The following MSI2 variants were observed in gnomAD, a reference collection of about 807,000 sequenced individuals.
The protein encoded by MSI2 is RNA-binding protein Musashi homolog 2.
In MSI2, 17 loss-of-function variants were observed where a neutral mutation model predicts 45.6. That is an observed-to-expected ratio of 0.37 (90% confidence interval 0.26 to 0.56). MSI2 has a LOEUF of 0.56. Ranked by LOEUF, MSI2 falls within the 20% of genes least tolerant of loss-of-function variation. The pLI is 0.77. For missense variants in MSI2, 293 were observed against 444.2 expected, an observed-to-expected ratio of 0.66 and a Z score of 3.06; for synonymous variants, 156 against 158.2, an observed-to-expected ratio of 0.99 and a Z score of 0.11.
rs1230753897 is a variant in MSI2 at position 57,615,965 on chromosome 17, A to C, written c.538-5A>C. On this transcript the variant is annotated splice_region_variant and splice_polypyrimidine_tract_variant and intron_variant, in intron 8 of 13. Transcript: ENST00000284073. Reference sequence around the variant, plus strand: ...ATCTCATTTGTTCGCCTTTCTGTTTAACAGGTAGAATGTAAGAAAGCTCAG... The same window carrying C: ...ATCTCATTTGTTCGCCTTTCTGTTTCACAGGTAGAATGTAAGAAAGCTCAG... 1 of 1,608,982 alleles carries C rather than the reference A, an allele frequency of 6.2e-7. No homozygotes were observed. The highest frequency in any genetic ancestry group is 1.1e-5 in the South Asian group (1 of 90,868).
chr17:57,350,120 T>C (rs1444199101), intron 5 of MSI2, among the ~76,000 whole-genome samples: 1 of 152,054 alleles, frequency 6.6e-6, no homozygotes, highest in Non-Finnish European at 1.5e-5. Context: ...CCAGTGATAG[T>C]TATTTAGGTT....
intron 6 of MSI2, among the ~76,000 whole-genome samples, chr17:57,402,967 C>G (rs1334986484): frequency 6.6e-6 from 1 of 152,182 alleles, no homozygotes; most frequent in African/African-American, 2.4e-5. Context: ...TCACCCAGCC[C>G]CACCCTGCCT....
rs978218421 is a variant in MSI2, at chr17:57,610,451, A to T, written c.538-5519A>T. 9.0e-5 allele frequency among the ~76,000 whole-genome samples: 2 copies of T among 22,248 alleles called. 1 individual carries two copies. Among genetic ancestry groups the T allele is most frequent in the Non-Finnish European group, 2.2e-4 (2 of 8,982 alleles). 14.6% of individuals were successfully genotyped at this position (22,248 alleles called of 152,430 possible). The stretch of plus-strand genomic sequence containing the variant: ...TGAGCGACACAGCAAGACTCCGTCT[A>T]AAAAAAAAAAAAATTCTACATATAG... On this transcript the variant is annotated intron_variant, in intron 8 of 13. Transcript: ENST00000284073.
intron 10 of MSI2, among the ~76,000 whole-genome samples, chr17:57,642,223 A>T (rs112907793): frequency 2.0e-5 from 3 of 152,228 alleles, no homozygotes; most frequent in African/African-American, 7.2e-5. Flanking sequence ...TTTTAACTGA[A>T]TTGAATCAAA....
intron 6 of MSI2, among the ~76,000 whole-genome samples, chr17:57,438,175 C>T (rs2084725684): frequency 6.6e-6 from 1 of 152,244 alleles, no homozygotes; most frequent in African/African-American, 2.4e-5. Flanking sequence ...AGCTGGGGTG[C>T]CTGGCTGGGG....
At chr17:57,647,121 G>T (rs1910721123) in intron 10 of MSI2, among the ~76,000 whole-genome samples, 1 of 151,800 alleles carries the variant, frequency 6.6e-6, no homozygotes, top group Non-Finnish European at 1.5e-5. Context: ...AAGGATACCA[G>T]ACCACTGTAA....
the MSI2 span, among the ~76,000 whole-genome samples, chr17:57,699,012 G>A: frequency 2.4e-4 from 19 of 79,736 alleles, no homozygotes; most frequent in African/African-American, 9.7e-4. Flanking sequence ...AGGAAGAGGC[G>A]AGGAGAGAGA....
intron 11 of MSI2, among the ~76,000 whole-genome samples, chr17:57,663,284 A>G (rs1912130684): frequency 6.6e-6 from 1 of 152,242 alleles, no homozygotes; most frequent in South Asian, 2.1e-4. Context: ...TTTGTTTTGT[A>G]GATGAGTAAT....
At chr17:57,289,009 A>G (rs1598076499) in intron 5 of MSI2, among the ~76,000 whole-genome samples, 1 of 152,312 alleles carries the variant, frequency 6.6e-6, no homozygotes, top group Non-Finnish European at 1.5e-5. Flanking sequence ...TTGGTCTAGC[A>G]CTATAGGTCA....
intron 5 of MSI2, among the ~76,000 whole-genome samples, chr17:57,399,272 G>C (rs933495889): frequency 6.6e-6 from 1 of 152,164 alleles, no homozygotes; most frequent in African/African-American, 2.4e-5. Flanking sequence ...TCTGAAAAGA[G>C]GTGAAAAAAC....
At position 57,666,186 on chromosome 17, in the gene MSI2, A is replaced by G. The variant is rs117017849; in HGVS notation, c.791-8786A>G. On this transcript the variant is annotated intron_variant, in intron 11 of 13. Transcript: ENST00000284073. ...AACCTTGTCAAAGTGTGATTCCAGA[A>G]GGGACAACTGAGCAGCATGATTTAA... Among the ~76,000 whole-genome samples, 137 of 152,352 alleles carry G rather than the reference A, an allele frequency of 9.0e-4. 1 individual carries two copies. Among genetic ancestry groups the G allele is most frequent in the Non-Finnish European group, 1.6e-3 (112 of 68,036 alleles).
intron 5 of MSI2, among the ~76,000 whole-genome samples, chr17:57,339,684 C>T (rs1393854945): frequency 6.6e-6 from 1 of 152,156 alleles, no homozygotes; most frequent in East Asian, 1.9e-4. Flanking sequence ...GAAAGATGCT[C>T]ATGCACGTTT....
At position 57,652,260 on chromosome 17, in the gene MSI2, A is replaced by T. The variant is rs2144686674; in HGVS notation, c.790+99A>T. On this transcript the variant is annotated intron_variant, in intron 11 of 13. Transcript: ENST00000284073. The surrounding 1 kb of genome is among the most constrained non-coding windows in gnomAD (Gnocchi z 4.1). ...ATCTGTGTGGCTGCATCTGTCCAAC[A>T]CCACTCTCACCACAGCCCCGGGGAG... The T allele has an allele frequency of 8.5e-7, 1 of 1,176,556 alleles. No homozygotes were observed. The highest frequency in any genetic ancestry group is 2.4e-5 in the East Asian group (1 of 41,614). The allele number at this position is 1,176,556 out of a possible 1,614,324, so 72.9% of individuals were successfully genotyped here.
chr17:57,446,129 C>T (rs992506291), intron 6 of MSI2, among the ~76,000 whole-genome samples: 6 of 152,074 alleles, frequency 3.9e-5, no homozygotes, highest in African/African-American at 1.2e-4. Context: ...AAGTGTTAGG[C>T]TGCAGAGGGA....
In MSI2 at chr17:57,537,349, G is replaced by A. The variant is rs571761844; in HGVS notation, c.454+7625G>A. 1.3e-4 allele frequency among the ~76,000 whole-genome samples: 20 copies of A among 152,268 alleles called. No homozygotes were observed. In the South Asian group the frequency reaches 2.5e-3, roughly 19 times the overall value. On this transcript the variant is annotated intron_variant, in intron 7 of 13. Coordinates refer to ENST00000284073, the MANE Select transcript of MSI2 (RefSeq NM_138962.4). ...TCCCCAGGCCCTGTAACCTTGCAGC[G>A]ATGGAGGGCAAAGGAGGGGGTGGGA...
intron 5 of MSI2, among the ~76,000 whole-genome samples, chr17:57,325,003 C>T (rs1325009264): frequency 6.6e-6 from 1 of 152,190 alleles, no homozygotes; most frequent in Non-Finnish European, 1.5e-5. Flanking sequence ...TCATTTGGTA[C>T]ATCAGAAAGT....
At chr17:57,477,894 T>C (rs1488791242) in intron 6 of MSI2, among the ~76,000 whole-genome samples, 1 of 152,218 alleles carries the variant, frequency 6.6e-6, no homozygotes, top group Non-Finnish European at 1.5e-5. Context: ...CAAGAGACTA[T>C]CGCAGCCTTG....
chr17:57,403,814 C>A (rs1270321025), intron 6 of MSI2, among the ~76,000 whole-genome samples: 2 of 152,022 alleles, frequency 1.3e-5, no homozygotes, highest in African/African-American at 2.4e-5. Flanking sequence ...TGCTGCTGGG[C>A]CTTGGGAGCA....
chr17:57,491,953 C>G (rs1006663766), intron 6 of MSI2, among the ~76,000 whole-genome samples: 6 of 152,150 alleles, frequency 3.9e-5, no homozygotes, highest in Non-Finnish European at 8.8e-5. Context: ...TTTTCTTTCT[C>G]TGAGTTCTGT....
Sources: gnomAD v4.1 joint callset for allele counts (sites outside exome capture counted in the v4.1 genomes callset) on GRCh38, gnomAD v4.1.1 for gene constraint, Gnocchi (gnomAD v3.1) non-coding constraint, MANE v1.5 for transcripts, NCBI Gene and HGNC (gene_info 2026-07-23, HGNC 2026-07-21) for gene names.